The following ANKRD27 variants were observed in gnomAD, a reference collection of about 807,000 sequenced individuals.
ANKRD27 encodes ankyrin repeat domain 27.
ANKRD27 carries 112 observed loss-of-function variants against 129.7 expected under a neutral mutation model. That is an observed-to-expected ratio of 0.86 (90% confidence interval 0.74 to 1.01). The LOEUF (loss-of-function observed/expected upper bound fraction) is 1.01, where lower values mean the gene tolerates loss of function less well. Among genes scored for constraint, ANKRD27 ranks in the 50% least tolerant of loss-of-function variants. The probability of loss-of-function intolerance (pLI) is 0.00; values close to 1 mark genes in which losing one functional copy is unlikely to be tolerated. For synonymous variants in ANKRD27, 516 were observed against 511.2 expected (o/e 1.01, Z -0.13); for missense variants, 1,258 against 1,300.5 (o/e 0.97, Z 0.50).
At position 32,640,637 on chromosome 19, in the gene ANKRD27, C is replaced by T. The variant is rs1326841006; in HGVS notation, c.905-252G>A. Among the ~76,000 whole-genome samples the T allele has an allele frequency of 3.3e-5, 5 of 152,170 alleles. No individual in the cohort carries two copies. The South Asian group carries it at 6.2e-4, about 19-fold the overall frequency. On this transcript the variant is annotated intron_variant, in intron 10 of 28. Coordinates refer to ENST00000306065, the MANE Select transcript of ANKRD27 (RefSeq NM_032139.3). ...GTAACTCTAGCCAGATACGGCAGCA[C>T]GTGCCTGTAATCCCAGTGCTTTGGG...
At position 32,604,267 on chromosome 19, in the gene ANKRD27, T is replaced by G. The variant is rs543947650; in HGVS notation, c.2651A>C (p.Glu884Ala). Residue 884 changes from glutamate (E) to alanine (A), a missense_variant, in exon 25 of 29, where the codon GAA becomes GCA. By Grantham distance (107) the Glu-to-Ala change is moderately radical. Coordinates refer to ENST00000306065, the MANE Select transcript of ANKRD27 (RefSeq NM_032139.3). ...TCTTCGACCCTCTCCACCTACCTGT[T>G]CAGCACAGTCTACAGCCGTGCGCTG... ...KRQRTAVDCA[E>A]QNSKIMELLQ... 3.7e-6 allele frequency: 6 copies of G among 1,607,678 alleles called. 1 individual carries two copies. In the South Asian group the frequency reaches 4.4e-5, roughly 12 times the overall value.
intron 28 of ANKRD27, among the ~76,000 whole-genome samples, chr19:32,599,256 G>C (rs913042105): frequency 1.3e-5 from 2 of 152,168 alleles, no homozygotes. Flanking sequence ...ACTCCAGCCT[G>C]GGCCACAGAG....
chr19:32,656,468 GA>G (rs1387684619), intron 2 of ANKRD27, among the ~76,000 whole-genome samples: 1 of 152,124 alleles, frequency 6.6e-6, no homozygotes, highest in Admixed American at 6.6e-5. Context: ...TTTCGCACTA[GA>G]ATTTAAGCTC....
At chr19:32,662,922 A>G (rs1184050467) in intron 1 of ANKRD27, among the ~76,000 whole-genome samples, 2 of 152,028 alleles carry the variant, frequency 1.3e-5, no homozygotes, top group Non-Finnish European at 2.9e-5. Context: ...TGTGCCTGTA[A>G]TCCCAGCTAC....
Position 32,649,673 on chromosome 19 carries a change from A to G in ANKRD27, c.213+9T>C. On this transcript the variant is annotated intron_variant, in intron 3 of 28. Coordinates refer to ENST00000306065, the MANE Select transcript of ANKRD27 (RefSeq NM_032139.3). ...GGTGACCCTGGCTGATCCACCAAGA[A>G]ATGAATACCTTTCCATTTAAGGTCT... The G allele has an allele frequency of 6.3e-7, 1 of 1,592,164 alleles. No homozygotes were observed.
In ANKRD27 at chr19:32,598,200, G is replaced by C. The variant is rs150349860; in HGVS notation, c.3098C>G (p.Pro1033Arg). 3 of 1,614,112 alleles carry C rather than the reference G, an allele frequency of 1.9e-6. No individual in the cohort carries two copies. Among genetic ancestry groups the C allele is most frequent in the Non-Finnish European group, 1.7e-6 (2 of 1,180,024 alleles). The stretch of plus-strand genomic sequence containing the variant: ...AGTGGAGAGGGGGCCAGCAGCCTCC[G>C]GGCCCTGGGACACGACCGCATCCTC... ...TVEDAVVSQGPEAAGPLSTPQ... is the reference protein window; with the variant it reads ...TVEDAVVSQGREAAGPLSTPQ... The change falls in exon 29 of 29, where the codon CCG (proline) becomes CGG (arginine). Residue 1033 changes from proline to arginine, a missense_variant. Coordinates refer to ENST00000306065, the MANE Select transcript of ANKRD27 (RefSeq NM_032139.3).
intron 5 of ANKRD27, among the ~76,000 whole-genome samples, 179 bp downstream of exon 5, chr19:32,644,146 A>G (rs1967255708): frequency 6.6e-6 from 1 of 152,082 alleles, no homozygotes; most frequent in African/African-American, 2.4e-5. Context: ...AAGTGCTGGG[A>G]AGACAGGCTT....
At chr19:32,599,596 G>T in intron 28 of ANKRD27, 108 bp downstream of exon 28, 1 of 962,954 alleles carries the variant, frequency 1.0e-6, no homozygotes, top group Non-Finnish European at 1.6e-6. Context: ...CTCATACGGC[G>T]CACGGAATAA....
At chr19:32,628,960 G>A (rs922562605) in intron 13 of ANKRD27, 111 bp from the exon 14 acceptor site, 35 of 1,255,908 alleles carry the variant, frequency 2.8e-5, no homozygotes, top group Middle Eastern at 2.2e-4. Flanking sequence ...TCGTCCTGTC[G>A]CCCAGGCTGG....
At chr19:32,607,578 A>G in intron 23 of ANKRD27, 57 bp downstream of exon 23, 1 of 1,570,254 alleles carries the variant, frequency 6.4e-7, no homozygotes, top group Non-Finnish European at 8.6e-7. Flanking sequence ...TACCAAGCAC[A>G]AGGTCCTAGC....
intron 2 of ANKRD27, among the ~76,000 whole-genome samples, chr19:32,652,073 A>G (rs1327737191): frequency 1.3e-5 from 2 of 152,190 alleles, no homozygotes; most frequent in Non-Finnish European, 2.9e-5. Flanking sequence ...GATAGGGGGT[A>G]GAGAGCTAGG....
At chr19:32,603,699 C>T (rs1277847460) in intron 25 of ANKRD27, among the ~76,000 whole-genome samples, 1 of 148,050 alleles carries the variant, frequency 6.8e-6, no homozygotes, top group African/African-American at 2.6e-5. Flanking sequence ...CCCCTATGCT[C>T]GGCTGATTTT....
intron 26 of ANKRD27, among the ~76,000 whole-genome samples, chr19:32,600,756 C>G (rs1363673896): frequency 1.3e-5 from 2 of 152,064 alleles, no homozygotes; most frequent in Admixed American, 6.6e-5. Flanking sequence ...TCCCTTAACT[C>G]CCCCAGCCAC....
At chr19:32,635,457 C>T (rs914595763) in intron 12 of ANKRD27, among the ~76,000 whole-genome samples, 1 of 152,156 alleles carries the variant, frequency 6.6e-6, no homozygotes, top group Non-Finnish European at 1.5e-5. Flanking sequence ...CACACACACA[C>T]GCATTCTTTT....
intron 1 of ANKRD27, among the ~76,000 whole-genome samples, chr19:32,665,558 C>T (rs1205575320): frequency 6.6e-6 from 1 of 151,848 alleles, no homozygotes; most frequent in Admixed American, 6.6e-5. Flanking sequence ...CTCCAGGGTT[C>T]ACGCCATTCT....
chr19:32,651,179 T>G (rs747373275), intron 2 of ANKRD27, among the ~76,000 whole-genome samples: 1 of 152,146 alleles, frequency 6.6e-6, no homozygotes, highest in Non-Finnish European at 1.5e-5. Flanking sequence ...ACCACTGCAG[T>G]TGGCAGACAA....
chr19:32,644,902 T>C (rs898831883), intron 4 of ANKRD27, among the ~76,000 whole-genome samples: 3 of 152,176 alleles, frequency 2.0e-5, no homozygotes, highest in African/African-American at 4.8e-5. Flanking sequence ...GCATAACTCA[T>C]GGGGGCAACA....
At chr19:32,673,756 C>T (rs1279599642) in intron 1 of ANKRD27, among the ~76,000 whole-genome samples, 1 of 152,154 alleles carries the variant, frequency 6.6e-6, no homozygotes, top group African/African-American at 2.4e-5. Context: ...AGTTAAAGGA[C>T]GGACCCCTGG....
At chr19:32,627,238 G>A (rs1027068580) in intron 15 of ANKRD27, among the ~76,000 whole-genome samples, 4 of 151,910 alleles carry the variant, frequency 2.6e-5, no homozygotes, top group African/African-American at 4.8e-5. Context: ...CACTTTATGC[G>A]TCCACACATC....
Sources: allele counts gnomAD v4.1 joint callset (sites outside exome capture counted in the v4.1 genomes callset), GRCh38; gene constraint gnomAD v4.1.1; transcripts MANE v1.5; gene names NCBI Gene and HGNC (gene_info 2026-07-23, HGNC 2026-07-21).